The following CDYL2 variants were observed in gnomAD, a reference collection of about 807,000 sequenced individuals.
CDYL2 encodes the protein chromodomain Y like 2, also known as chromodomain Y-like protein 2.
Under a neutral mutation model 49.4 loss-of-function variants are expected in CDYL2, and 23 were observed. The ratio of observed to expected loss-of-function variants is 0.47; its 90% CI spans 0.34 to 0.66. CDYL2 has a LOEUF of 0.66. Among genes scored for constraint, CDYL2 ranks in the 30% least tolerant of loss-of-function variants. CDYL2 has a pLI of 0.01. For missense variants in CDYL2, 678 were observed against 656.4 expected (o/e 1.03, Z -0.36); for synonymous variants, 360 against 268.8 (o/e 1.34, Z -3.32).
intron 1 of CDYL2, among the ~76,000 whole-genome samples, chr16:80,788,825 T>G (rs561283907): frequency 1.7e-4 from 26 of 152,280 alleles, no homozygotes; most frequent in Middle Eastern, 3.4e-3. Flanking sequence ...TTAAATGCTA[T>G]TATTACTGTT....
chr16:80,722,669 C>A (rs1029436563), intron 1 of CDYL2, among the ~76,000 whole-genome samples: 4 of 152,256 alleles, frequency 2.6e-5, no homozygotes, highest in Admixed American at 1.3e-4. Context: ...GACAGACATC[C>A]GAAAACCAGG....
intron 1 of CDYL2, among the ~76,000 whole-genome samples, chr16:80,791,503 G>C (rs1383694374): frequency 1.3e-5 from 2 of 152,200 alleles, no homozygotes; most frequent in African/African-American, 2.4e-5. Context: ...GCTATAACAA[G>C]AGAAGAAAAG....
intron 1 of CDYL2, among the ~76,000 whole-genome samples, chr16:80,758,794 T>A (rs937983112): frequency 2.0e-5 from 3 of 151,736 alleles, no homozygotes; most frequent in African/African-American, 4.8e-5. Flanking sequence ...CGCCCGCCTC[T>A]GCCTCCCAAA....
Position 80,633,096 on chromosome 16 carries a change from C to A in CDYL2, c.757G>T (p.Val253Phe). The change falls in exon 3 of 7, where the codon GTT becomes TTT. Residue 253 changes from valine to phenylalanine, a missense_variant. Val to Phe is a conservative substitution (Grantham distance 50). Coordinates refer to ENST00000570137, the MANE Select transcript of CDYL2 (RefSeq NM_152342.4). ...GTGAACCCTTCTTCCTTCCGCACAA[C>A]GATGTCTCGAAACCGACAGTTGCTT... is the stretch of plus-strand genomic sequence containing the variant. ...NESNCRFRDI[V>F]VRKEEGFTHI... 1 of 1,614,172 alleles carries A rather than the reference C, an allele frequency of 6.2e-7. No individual in the cohort carries two copies.
intron 1 of CDYL2, among the ~76,000 whole-genome samples, chr16:80,784,687 C>T (rs1907377510): frequency 6.6e-6 from 1 of 152,186 alleles, no homozygotes; most frequent in Non-Finnish European, 1.5e-5. Flanking sequence ...ACCTCTTATG[C>T]TCTAGGTGCT....
At chr16:80,630,293 A>T (rs559163647) in intron 3 of CDYL2, among the ~76,000 whole-genome samples, 40 of 152,286 alleles carry the variant, frequency 2.6e-4, no homozygotes, top group African/African-American at 9.4e-4. Context: ...GGAGGTGAGA[A>T]CCTGTGCACC....
intron 1 of CDYL2, among the ~76,000 whole-genome samples, chr16:80,739,968 G>T (rs1290284908): frequency 1.3e-5 from 2 of 152,184 alleles, no homozygotes; most frequent in Non-Finnish European, 1.5e-5. Context: ...AACGACTTGG[G>T]GGCAATGTCA....
chr16:80,648,697 A>C (rs932224844), intron 2 of CDYL2, among the ~76,000 whole-genome samples: 4 of 152,112 alleles, frequency 2.6e-5, no homozygotes, highest in Non-Finnish European at 5.9e-5. Context: ...AAAATAAAAA[A>C]AAAAAAGAAA....
chr16:80,736,943 C>A (rs868104093), intron 1 of CDYL2, among the ~76,000 whole-genome samples: 29 of 152,136 alleles, frequency 1.9e-4, no homozygotes, highest in Middle Eastern at 3.4e-3. Flanking sequence ...CTGTTGGAGC[C>A]CTGGAAATTT....
intron 2 of CDYL2, among the ~76,000 whole-genome samples, chr16:80,665,101 A>G (rs1375385356): frequency 6.6e-6 from 1 of 152,200 alleles, no homozygotes; most frequent in African/African-American, 2.4e-5. Context: ...ATATTTCATG[A>G]AGAAATCATA....
chr16:80,679,270 A>T (rs1909878818), intron 2 of CDYL2, among the ~76,000 whole-genome samples: 2 of 117,258 alleles, frequency 1.7e-5, no homozygotes, highest in Admixed American at 1.6e-4. Flanking sequence ...AATAATAAAA[A>T]TATATAAATA....
chr16:80,780,397 CTTT>C (rs1022730941), intron 1 of CDYL2, among the ~76,000 whole-genome samples: 1 of 105,358 alleles, frequency 9.5e-6, no homozygotes, highest in African/African-American at 3.9e-5. Flanking sequence ...TGCACAATAT[CTTT>C]TTTTTTTTTT....
Position 80,684,575 on chromosome 16 carries a change from A to C in CDYL2, c.579T>G (p.Cys193Trp). Residue 193 changes from cysteine (C) to tryptophan (W), a missense_variant, in exon 2 of 7, where the codon TGT becomes TGG. Cys to Trp is a radical substitution (Grantham distance 215, BLOSUM62 -2). Transcript: ENST00000570137. The stretch of plus-strand genomic sequence containing the variant: ...CCGCCAGTGTAGCGTGATTCACGTC[A>C]CATTCACCCATATCTTGCTCTCCAA... ...DHVGEQDMGECDVNHATLAEN... is the reference protein window; with the variant it reads ...DHVGEQDMGEWDVNHATLAEN... The C allele has an allele frequency of 1.2e-6, 2 of 1,614,130 alleles. No individual in the cohort carries two copies. Among genetic ancestry groups the C allele is most frequent in the Non-Finnish European group, 1.7e-6 (2 of 1,179,986 alleles).
chr16:80,747,442 T>A (rs1033963443), intron 1 of CDYL2, among the ~76,000 whole-genome samples: 10 of 152,302 alleles, frequency 6.6e-5, no homozygotes. Context: ...TGCAAAGGAC[T>A]AGACACAAGG....
intron 3 of CDYL2, chr16:80,627,436 T>C (rs1247320573): frequency 1.3e-5 from 2 of 152,240 alleles, no homozygotes; most frequent in Non-Finnish European, 2.9e-5. Flanking sequence ...AAAACAGCCA[T>C]CTCATTTATG....
At chr16:80,729,442 T>G (rs1905259544) in intron 1 of CDYL2, among the ~76,000 whole-genome samples, 1 of 151,978 alleles carries the variant, frequency 6.6e-6, no homozygotes, top group Non-Finnish European at 1.5e-5. Flanking sequence ...AGCACCCAGA[T>G]TCCTAAAGCA....
chr16:80,696,946 A>G (rs1904278995), intron 1 of CDYL2, among the ~76,000 whole-genome samples: 2 of 152,188 alleles, frequency 1.3e-5, no homozygotes, highest in Admixed American at 6.5e-5. Context: ...GCAGTGCCCT[A>G]TGATTGCATC....
chr16:80,769,225 G>T (rs1001625487), intron 1 of CDYL2, among the ~76,000 whole-genome samples: 1 of 152,190 alleles, frequency 6.6e-6, no homozygotes, highest in Admixed American at 6.5e-5. Context: ...GGATAGGATC[G>T]CATTCTAATC....
At chr16:80,665,622 A>C (rs931292358) in intron 2 of CDYL2, among the ~76,000 whole-genome samples, 2 of 151,988 alleles carry the variant, frequency 1.3e-5, no homozygotes, top group Non-Finnish European at 1.5e-5. Context: ...CTAAACCTCC[A>C]GGAACTCAGG....
Sources: gnomAD v4.1 joint callset for allele counts (sites outside exome capture counted in the v4.1 genomes callset) on GRCh38, gnomAD v4.1.1 for gene constraint, MANE v1.5 for transcripts, NCBI Gene and HGNC (gene_info 2026-07-23, HGNC 2026-07-21) for gene names.